IMMP2L: variants seen among roughly 807,000 people sequenced by gnomAD.
IMMP2L encodes the protein mitochondrial inner membrane protease subunit 2.
IMMP2L carries 18 observed loss-of-function variants against 19.3 expected under a neutral mutation model. That is an observed-to-expected ratio of 0.93 (90% CI 0.64 to 1.38). The LOEUF is 1.38. Ranked by LOEUF, IMMP2L falls within the 40% of genes most tolerant of loss-of-function variation. The pLI is 0.00. For missense variants in IMMP2L, 233 were observed against 218.2 expected, an observed-to-expected ratio of 1.07 and a Z score of -0.43; for synonymous variants, 76 against 73.0, an observed-to-expected ratio of 1.04 and a Z score of -0.21.
intron 3 of IMMP2L, among the ~76,000 whole-genome samples, chr7:111,417,348 GA>G (rs1835050326): frequency 6.6e-6 from 1 of 151,826 alleles, no homozygotes; most frequent in Non-Finnish European, 1.5e-5. Context: ...GCAACCTGGG[GA>G]TCATGCAAAG....
chr7:111,495,143 G>A (rs1365993614), intron 2 of IMMP2L, among the ~76,000 whole-genome samples: 1 of 151,938 alleles, frequency 6.6e-6, no homozygotes, highest in Non-Finnish European at 1.5e-5. Context: ...CACACATACA[G>A]ATATATATAA....
intron 1 of IMMP2L, among the ~76,000 whole-genome samples, chr7:111,559,857 TAAG>T (rs1346786658): frequency 1.3e-5 from 2 of 152,000 alleles, no homozygotes; most frequent in Non-Finnish European, 2.9e-5. Context: ...GCTAATAAAA[TAAG>T]AGCCAGAAAT....
intron 3 of IMMP2L, among the ~76,000 whole-genome samples, chr7:111,188,540 A>G (rs915332288): frequency 3.9e-5 from 6 of 152,054 alleles, no homozygotes; most frequent in African/African-American, 1.5e-4. Context: ...TAATACCATC[A>G]TATTTGGAGT....
chr7:110,906,571 C>G (rs896973238), intron 4 of IMMP2L, among the ~76,000 whole-genome samples: 3 of 152,128 alleles, frequency 2.0e-5, no homozygotes, highest in Non-Finnish European at 4.4e-5. Context: ...CTTGGAAAAT[C>G]AGTATGAACA....
intron 4 of IMMP2L, among the ~76,000 whole-genome samples, chr7:110,939,866 G>A (rs546678076): frequency 6.6e-6 from 1 of 152,142 alleles, no homozygotes; most frequent in East Asian, 1.9e-4. Flanking sequence ...GCAAAAGAAG[G>A]GAACCCAATG....
At chr7:111,252,806 G>C (rs1025900399) in intron 3 of IMMP2L, among the ~76,000 whole-genome samples, 1 of 151,876 alleles carries the variant, frequency 6.6e-6, no homozygotes, top group South Asian at 2.1e-4. Context: ...CCAAACATTA[G>C]AAAATGACAT....
intron 2 of IMMP2L, among the ~76,000 whole-genome samples, chr7:111,500,162 C>T (rs1242231064): frequency 5.3e-5 from 8 of 152,112 alleles, no homozygotes; most frequent in African/African-American, 1.2e-4. Context: ...GATTATATCC[C>T]GCACCTGGCT....
intron 3 of IMMP2L, among the ~76,000 whole-genome samples, chr7:111,479,847 T>C (rs1842028368): frequency 2.0e-5 from 3 of 152,120 alleles, no homozygotes; most frequent in Admixed American, 2.0e-4. Flanking sequence ...TAGTTACCTC[T>C]CAAAGGATAT....
At chr7:111,532,517 C>A (rs1220950010) in intron 1 of IMMP2L, 1 of 152,060 alleles carries the variant, frequency 6.6e-6, no homozygotes, top group Non-Finnish European at 1.5e-5. Flanking sequence ...GTCATACTTA[C>A]AACATGGCTT....
intron 2 of IMMP2L, 62 bp from the exon 3 acceptor site, chr7:111,487,403 G>C (rs991681150): frequency 3.2e-6 from 3 of 925,622 alleles, no homozygotes; most frequent in Non-Finnish European, 5.3e-6. Context: ...CATGGTTCTT[G>C]CACTTCACAG....
At chr7:111,122,770 A>G (rs1182701105) in intron 3 of IMMP2L, 2 of 1,607,422 alleles carry the variant, frequency 1.2e-6, no homozygotes, top group South Asian at 1.1e-5. Context: ...GAAGAAAGCT[A>G]AGATGAAGGA....
intron 3 of IMMP2L, among the ~76,000 whole-genome samples, chr7:111,463,817 G>A (rs542813981): frequency 1.1e-3 from 161 of 152,190 alleles, no homozygotes; most frequent in Non-Finnish European, 1.5e-3. Flanking sequence ...TGAATGTACC[G>A]TCTGTTTCTC....
chr7:111,321,357 C>G (rs1824692031), intron 3 of IMMP2L, among the ~76,000 whole-genome samples: 1 of 151,838 alleles, frequency 6.6e-6, no homozygotes, highest in Non-Finnish European at 1.5e-5. Flanking sequence ...TCATTGCACA[C>G]TGATTAAATA....
rs536249420 is a variant in IMMP2L at position 110,754,331 on chromosome 7, C to T, written c.409-90610G>A. 9.2e-5 allele frequency among the ~76,000 whole-genome samples: 14 copies of T among 152,042 alleles called. No homozygotes were observed. The South Asian group carries it at 2.9e-3, about 32-fold the overall frequency. On this transcript the variant is annotated intron_variant, in intron 5 of 5. Coordinates refer to ENST00000405709, the MANE Select transcript of IMMP2L (RefSeq NM_032549.4). Reference sequence around the variant, plus strand: ...GAATAATACCTTATTTCATAGATGACCGGGGTTAACTAATGGTCCTTGTTC... The same window carrying T: ...GAATAATACCTTATTTCATAGATGATCGGGGTTAACTAATGGTCCTTGTTC...
intron 3 of IMMP2L, among the ~76,000 whole-genome samples, chr7:111,005,256 A>G (rs533023700): frequency 6.6e-6 from 1 of 152,316 alleles, no homozygotes; most frequent in African/African-American, 2.4e-5. Flanking sequence ...ACACACACCC[A>G]GGAAGAATTG....
intron 2 of IMMP2L, among the ~76,000 whole-genome samples, chr7:111,500,872 G>A (rs979107517): frequency 6.6e-6 from 1 of 152,024 alleles, no homozygotes; most frequent in Non-Finnish European, 1.5e-5. Flanking sequence ...AAAGATGGGG[G>A]AAAAACAGAG....
chr7:111,545,807 A>G (rs139830829), intron 1 of IMMP2L, among the ~76,000 whole-genome samples: 1 of 152,144 alleles, frequency 6.6e-6, no homozygotes, highest in East Asian at 1.9e-4. Context: ...TTTTTTACCT[A>G]ATACAAAATT....
chr7:111,089,608 A>G (rs1796642214), intron 3 of IMMP2L, among the ~76,000 whole-genome samples: 2 of 152,094 alleles, frequency 1.3e-5, no homozygotes, highest in South Asian at 4.1e-4. Flanking sequence ...CAACATCCCA[A>G]CACTCAACCA....
chr7:111,124,113 T>G, intron 3 of IMMP2L: 2 of 1,614,090 alleles, frequency 1.2e-6, no homozygotes, highest in Non-Finnish European at 1.7e-6. Flanking sequence ...GTAGAGCTAC[T>G]GCAGAACCAC....
Sources: gnomAD v4.1 joint callset for allele counts (sites outside exome capture counted in the v4.1 genomes callset) on GRCh38, gnomAD v4.1.1 for gene constraint, MANE v1.5 for transcripts, NCBI Gene and HGNC (gene_info 2026-07-23, HGNC 2026-07-21) for gene names.